The following PCDH11X variants were observed in gnomAD, a reference collection of about 807,000 sequenced individuals.
PCDH11X encodes protocadherin 11 X-linked.
PCDH11X carries 18 observed loss-of-function variants against 53.3 expected under a neutral mutation model. The observed-to-expected ratio is 0.34, with a 90% CI of 0.23 to 0.50. PCDH11X has a LOEUF of 0.50. Ranked by LOEUF, PCDH11X falls within the 20% of genes least tolerant of loss-of-function variation. The probability of loss-of-function intolerance (pLI) is 0.98; values close to 1 mark genes in which losing one functional copy is unlikely to be tolerated. For synonymous variants in PCDH11X, 279 were observed against 393.3 expected (o/e 0.71, Z 3.44); for missense variants, 570 against 1,032.4 (o/e 0.55, Z 6.14).
At chrX:92,277,340 C>T (rs1335896577) in intron 8 of PCDH11X, among the ~76,000 whole-genome samples, 3 of 111,150 alleles carry the variant, frequency 2.7e-5, no homozygotes, top group Non-Finnish European at 3.8e-5. Context: ...TTGAAAGTGC[C>T]GTTTTCTGGC....
intron 8 of PCDH11X, among the ~76,000 whole-genome samples, chrX:92,331,333 C>CTTCTTCTT (rs1300857539): frequency 1.4e-4 from 12 of 84,886 alleles, no homozygotes; most frequent in East Asian, 3.9e-4. Flanking sequence ...TCTTCTTCTT[C>CTTCTTCTT]CTTCCTTCCT....
chrX:92,568,253 A>T (rs1403705497), intron 10 of PCDH11X, among the ~76,000 whole-genome samples: 1 of 109,385 alleles, frequency 9.1e-6, no homozygotes, highest in Non-Finnish European at 1.9e-5. Flanking sequence ...AACCTGTCTC[A>T]ACTAAAAATA....
intron 4 of PCDH11X, among the ~76,000 whole-genome samples, chrX:91,814,341 T>C (rs1936387581): frequency 9.0e-6 from 1 of 110,985 alleles, no homozygotes; most frequent in Non-Finnish European, 1.9e-5. Context: ...TCAAAAATGT[T>C]ATGAAGGGTT....
At chrX:92,384,278 G>T (rs2754873) in intron 8 of PCDH11X, among the ~76,000 whole-genome samples, 47,338 of 107,623 alleles carry the variant, frequency 0.44, 8,321 homozygotes, top group Non-Finnish European at 0.49. Flanking sequence ...GTAGGTTGCC[G>T]GCTCACTCTG....
Position 92,213,350 on chromosome X carries a change from A to T in PCDH11X, c.3114+11895A>T, listed in dbSNP as rs762919784. 1.4e-4 allele frequency among the ~76,000 whole-genome samples: 16 copies of T among 111,768 alleles called. No homozygotes were observed. In the South Asian group the frequency reaches 2.7e-3, roughly 19 times the overall value. ...TGCTCTAAAGTAATAATTTCAATTT[A>T]TTCAGTCCTTATAGCAGCTTTATTG... On this transcript the variant is annotated intron_variant, in intron 7 of 10. Transcript: ENST00000682573.
intron 1 of PCDH11X, among the ~76,000 whole-genome samples, chrX:91,797,649 T>A (rs770699142): frequency 2.7e-5 from 3 of 109,847 alleles, no homozygotes; most frequent in African/African-American, 9.9e-5. Flanking sequence ...TCTAGTTGAA[T>A]CAATCAATTA....
intron 10 of PCDH11X, among the ~76,000 whole-genome samples, chrX:92,591,957 A>C (rs776297199): frequency 9.4e-6 from 1 of 106,477 alleles, no homozygotes; most frequent in Non-Finnish European, 1.9e-5. Flanking sequence ...TGGAAATTTG[A>C]GATCTAGACT....
chrX:92,424,002 TG>T (rs2148618211), intron 9 of PCDH11X, among the ~76,000 whole-genome samples: 1 of 80,331 alleles, frequency 1.2e-5, no homozygotes, highest in African/African-American at 4.3e-5. Context: ...ACTGGGGGAT[TG>T]TTTTTTCTAG....
chrX:92,224,288 C>G (rs1488980039), intron 7 of PCDH11X, among the ~76,000 whole-genome samples: 2 of 112,167 alleles, frequency 1.8e-5, no homozygotes, highest in Non-Finnish European at 1.9e-5. Flanking sequence ...ATTTTACCAG[C>G]AGACCATGTC....
intron 6 of PCDH11X, among the ~76,000 whole-genome samples, chrX:92,054,424 G>T (rs1021473589): frequency 2.7e-5 from 3 of 111,571 alleles, no homozygotes; most frequent in Non-Finnish European, 5.6e-5. Context: ...TACTTCATTG[G>T]TCAAAGCCTG....
intron 10 of PCDH11X, among the ~76,000 whole-genome samples, chrX:92,521,353 T>C (rs2074366817): frequency 8.9e-6 from 1 of 111,988 alleles, no homozygotes; most frequent in Non-Finnish European, 1.9e-5. Context: ...TTAGAGCTCT[T>C]GACTGACCAG....
At chrX:92,281,525 G>A (rs985562411) in intron 8 of PCDH11X, among the ~76,000 whole-genome samples, 4 of 112,240 alleles carry the variant, frequency 3.6e-5, no homozygotes, top group African/African-American at 1.3e-4. Context: ...AAACTAGTCA[G>A]TATGAAACAA....
intron 6 of PCDH11X, chrX:92,113,989 G>C: frequency 8.3e-7 from 1 of 1,208,226 alleles, no homozygotes; most frequent in Non-Finnish European, 1.1e-6. Context: ...ACAGCTAGGG[G>C]TACCCACGAT....
At chrX:92,449,121 G>C (rs972217132) in intron 9 of PCDH11X, among the ~76,000 whole-genome samples, 3 of 111,875 alleles carry the variant, frequency 2.7e-5, no homozygotes, top group Non-Finnish European at 5.6e-5. Flanking sequence ...AGATAGATCA[G>C]CATAGGCATG....
At chrX:92,232,798 G>C (rs1180868456) in intron 7 of PCDH11X, among the ~76,000 whole-genome samples, 1 of 111,879 alleles carries the variant, frequency 8.9e-6, no homozygotes, top group Non-Finnish European at 1.9e-5. Context: ...CTCACTGTAA[G>C]CTCCGCCTTC....
chrX:92,149,930 T>C (rs1054179158), intron 6 of PCDH11X, among the ~76,000 whole-genome samples: 1 of 111,993 alleles, frequency 8.9e-6, no homozygotes, highest in African/African-American at 3.2e-5. Flanking sequence ...TAGCATGTAC[T>C]TTATTCCTTT....
At chrX:92,279,205 G>C (rs1039580623) in intron 8 of PCDH11X, among the ~76,000 whole-genome samples, 1 of 111,836 alleles carries the variant, frequency 8.9e-6, no homozygotes, top group Non-Finnish European at 1.9e-5. Context: ...TTTTAGCCTG[G>C]TATATTTATC....
chrX:91,842,414 T>G (rs1937536710), intron 5 of PCDH11X, among the ~76,000 whole-genome samples: 1 of 107,927 alleles, frequency 9.3e-6, no homozygotes, highest in Non-Finnish European at 1.9e-5. Context: ...AAATTATATC[T>G]TCACCAATCT....
intron 9 of PCDH11X, among the ~76,000 whole-genome samples, chrX:92,419,722 C>T (rs1603306460): frequency 1.2e-5 from 1 of 84,835 alleles, no homozygotes; most frequent in Admixed American, 1.5e-4. Context: ...CTCTGTCGCC[C>T]AGGCTGGAGT....
Sources: allele counts gnomAD v4.1 joint callset (sites outside exome capture counted in the v4.1 genomes callset), GRCh38; gene constraint gnomAD v4.1.1; transcripts MANE v1.5; gene names NCBI Gene and HGNC (gene_info 2026-07-23, HGNC 2026-07-21).